The following CUBN variants were observed in gnomAD, a reference collection of about 807,000 sequenced individuals.
CUBN encodes the protein cubilin, also known as 460 kDa receptor.
Under a neutral mutation model 405.3 loss-of-function variants are expected in CUBN, and 282 were observed. That is an observed-to-expected ratio of 0.70 (90% confidence interval 0.63 to 0.77). CUBN has a LOEUF of 0.77. CUBN is among the 30% of genes least tolerant of loss of function. The probability of loss-of-function intolerance (pLI) is 0.00; values close to 1 mark genes in which losing one functional copy is unlikely to be tolerated. For synonymous variants in CUBN, 1,684 were observed against 1,617.0 expected (o/e 1.04, Z -0.99); for missense variants, 4,514 against 4,475.2 (o/e 1.01, Z -0.25).
chr10:16,875,104 C>G (rs1840461709), intron 57 of CUBN, among the ~76,000 whole-genome samples: 1 of 151,766 alleles, frequency 6.6e-6, no homozygotes, highest in Non-Finnish European at 1.5e-5. Flanking sequence ...TAAACTTGCC[C>G]CAGTTTGTAT....
rs112882006 is a variant in CUBN at position 17,108,323 on chromosome 10, T to G, written c.1111+1317A>C. ...GCAAGCAGTCTTTATCTAGAAATCA[T>G]GCTCCTAACCACTTTGGTATGTTGA... On this transcript the variant is annotated intron_variant, in intron 10 of 66. Coordinates refer to ENST00000377833, the MANE Select transcript of CUBN (RefSeq NM_001081.4). 2.5e-3 allele frequency among the ~76,000 whole-genome samples: 375 copies of G among 152,278 alleles called. 2 individuals carry two copies. The highest frequency in any genetic ancestry group is 8.8e-3 in the African/African-American group (364 of 41,564).
At chr10:17,007,450 C>T (rs1398838980) in intron 28 of CUBN, among the ~76,000 whole-genome samples, 5 of 152,146 alleles carry the variant, frequency 3.3e-5, no homozygotes, top group African/African-American at 7.2e-5. Flanking sequence ...AGGTTTGTGT[C>T]GTTCACAAAG....
intron 8 of CUBN, among the ~76,000 whole-genome samples, chr10:17,112,749 G>C (rs1351316893): frequency 2.0e-5 from 3 of 151,954 alleles, no homozygotes; most frequent in African/African-American, 4.8e-5. Context: ...GGGGCAATAG[G>C]TGTGTGGGGT....
intron 17 of CUBN, among the ~76,000 whole-genome samples, chr10:17,077,586 C>G (rs190603396): frequency 6.6e-6 from 1 of 152,190 alleles, no homozygotes; most frequent in Non-Finnish European, 1.5e-5. Flanking sequence ...CTGGCACTTA[C>G]GCTTAGTCCA....
intron 6 of CUBN, among the ~76,000 whole-genome samples, chr10:17,116,974 G>A (rs12243895): frequency 0.35 from 53,261 of 151,984 alleles, 10,124 homozygotes; most frequent in African/African-American, 0.48. Context: ...TGCAATTTAC[G>A]ACATCAGTAT....
chr10:16,988,649 T>A (rs1047407154), intron 29 of CUBN, among the ~76,000 whole-genome samples: 2 of 152,226 alleles, frequency 1.3e-5, no homozygotes, highest in Non-Finnish European at 2.9e-5. Flanking sequence ...ACTGAGGGGA[T>A]AATTCCATTT....
chr10:17,048,592 C>G (rs1304701709), intron 22 of CUBN, among the ~76,000 whole-genome samples: 1 of 152,122 alleles, frequency 6.6e-6, no homozygotes, highest in Non-Finnish European at 1.5e-5. Context: ...ATTCTCCTGT[C>G]TCAGCCTCCC....
At chr10:17,013,795 C>T (rs1834253146) in intron 28 of CUBN, among the ~76,000 whole-genome samples, 1 of 152,206 alleles carries the variant, frequency 6.6e-6, no homozygotes, top group Non-Finnish European at 1.5e-5. Flanking sequence ...AGGCTTACTT[C>T]AGTATGGTTA....
At chr10:16,919,890 G>T in intron 44 of CUBN, 73 bp downstream of exon 44, 1 of 1,459,692 alleles carries the variant, frequency 6.9e-7, no homozygotes, top group Non-Finnish European at 9.5e-7. Context: ...GAAAGAAATG[G>T]ACTGTTTTGA....
intron 28 of CUBN, among the ~76,000 whole-genome samples, chr10:17,003,977 G>T (rs2131744780): frequency 6.6e-6 from 1 of 152,266 alleles, no homozygotes; most frequent in South Asian, 2.1e-4. Context: ...AGTCTAGCTG[G>T]CTTTGAGAAT....
At chr10:16,908,918 C>T (rs1841638853) in intron 48 of CUBN, among the ~76,000 whole-genome samples, 1 of 149,266 alleles carries the variant, frequency 6.7e-6, no homozygotes, top group Non-Finnish European at 1.5e-5. Flanking sequence ...CTCTGTCGCC[C>T]AGGCGGGACT....
At chr10:17,110,848 T>A in intron 9 of CUBN, 71 bp downstream of exon 9, 3 of 1,602,494 alleles carry the variant, frequency 1.9e-6, no homozygotes, top group Non-Finnish European at 2.6e-6. Flanking sequence ...AATGGAGCAC[T>A]AGATTCCGTA....
intron 62 of CUBN, 36 bp from the exon 63 acceptor site, chr10:16,836,418 A>T: frequency 1.3e-6 from 2 of 1,597,870 alleles, no homozygotes; most frequent in Non-Finnish European, 1.7e-6. Context: ...TGTTAGATTT[A>T]GTCTTAGAAG....
chr10:16,880,868 C>G (rs1840649500), intron 56 of CUBN, among the ~76,000 whole-genome samples: 1 of 152,096 alleles, frequency 6.6e-6, no homozygotes, highest in Non-Finnish European at 1.5e-5. Context: ...GGGCATAAAT[C>G]TATAAGTTGA....
At chr10:16,999,023 G>A (rs1321689625) in intron 28 of CUBN, among the ~76,000 whole-genome samples, 3 of 152,218 alleles carry the variant, frequency 2.0e-5, no homozygotes, top group African/African-American at 2.4e-5. Flanking sequence ...GTAGAGCATC[G>A]GGTTTCAATG....
At chr10:16,881,003 A>G (rs1840653489) in intron 56 of CUBN, among the ~76,000 whole-genome samples, 1 of 152,242 alleles carries the variant, frequency 6.6e-6, no homozygotes, top group Non-Finnish European at 1.5e-5. Flanking sequence ...CAAATTATGT[A>G]CCTTAGTTAT....
At position 16,994,697 on chromosome 10, in the gene CUBN, A is replaced by T. The variant is rs1359629042; in HGVS notation, c.4169-4182T>A. 3.9e-5 allele frequency among the ~76,000 whole-genome samples: 6 copies of T among 152,368 alleles called. No individual in the cohort carries two copies. The East Asian group carries it at 1.2e-3, about 29-fold the overall frequency. On this transcript the variant is annotated intron_variant, in intron 28 of 66. Coordinates refer to ENST00000377833, the MANE Select transcript of CUBN (RefSeq NM_001081.4). Reference sequence around the variant, plus strand: ...TTGAATGAACAATAAAATGTAAAAGAAATACAGAAGTTTTTAACACCGGTC... The same window carrying T: ...TTGAATGAACAATAAAATGTAAAAGTAATACAGAAGTTTTTAACACCGGTC...
intron 39 of CUBN, among the ~76,000 whole-genome samples, chr10:16,934,501 A>G (rs1842446363): frequency 6.6e-6 from 1 of 152,230 alleles, no homozygotes. Flanking sequence ...GAAAATCTGA[A>G]TGCTGAATGT....
rs1837278049 is a variant in CUBN at position 17,129,802 on chromosome 10, C to G, written c.-37G>C. 1.2e-6 allele frequency: 2 copies of G among 1,611,608 alleles called. No homozygotes were observed. On this transcript the variant is annotated 5_prime_UTR_variant, in exon 1 of 67. Transcript: ENST00000377833. ...GTTGGCAGGTAAGAGTGAGGCCACT[C>G]CAACCAACTGAGCATGGGATTTTGG...
Sources: allele counts gnomAD v4.1 joint callset (sites outside exome capture counted in the v4.1 genomes callset), GRCh38; gene constraint gnomAD v4.1.1; transcripts MANE v1.5; gene names NCBI Gene and HGNC (gene_info 2026-07-23, HGNC 2026-07-21).